The following CA10 variants were observed in gnomAD, a reference collection of about 807,000 sequenced individuals.
The protein encoded by CA10 is carbonic anhydrase 10 (inactive).
Under a neutral mutation model 44.2 loss-of-function variants are expected in CA10, and 14 were observed. That is an observed-to-expected ratio of 0.32 (90% CI 0.21 to 0.50). The LOEUF (loss-of-function observed/expected upper bound fraction) is 0.50, where lower values mean the gene tolerates loss of function less well. CA10 is among the 20% of genes least tolerant of loss of function. The pLI, the probability that CA10 is intolerant of heterozygous loss-of-function variation, is 0.99. For missense variants in CA10, 350 were observed against 409.7 expected (o/e 0.85, Z 1.26); for synonymous variants, 159 against 141.6 (o/e 1.12, Z -0.87).
At chr17:51,646,326 G>T (rs1167254459) in intron 6 of CA10, among the ~76,000 whole-genome samples, 1 of 152,192 alleles carries the variant, frequency 6.6e-6, no homozygotes, top group East Asian at 1.9e-4. Flanking sequence ...AAAGTGCTCA[G>T]TAAGCATCAT....
intron 2 of CA10, among the ~76,000 whole-genome samples, chr17:52,001,349 G>A (rs1985418560): frequency 6.6e-6 from 1 of 151,926 alleles, no homozygotes; most frequent in South Asian, 2.1e-4. Flanking sequence ...TTGTGATGCA[G>A]AACTAAAAGA....
intron 3 of CA10, among the ~76,000 whole-genome samples, chr17:51,792,561 T>C (rs1906560414): frequency 6.6e-6 from 1 of 152,194 alleles, no homozygotes; most frequent in African/African-American, 2.4e-5. Flanking sequence ...AGTTGCTAGA[T>C]TTGTGCAAAA....
rs1908209201 is a variant in CA10, at chr17:51,830,743, C to T, written c.280-82925G>A. On this transcript the variant is annotated intron_variant, in intron 3 of 8. Coordinates refer to ENST00000451037, the MANE Select transcript of CA10 (RefSeq NM_020178.5). ...GACACGAAACAGAATACTTGACTGA[C>T]ACTGGCTTAAGGAATGATGATGTGT... 1.3e-5 allele frequency among the ~76,000 whole-genome samples: 2 copies of T among 152,154 alleles called. 1 individual carries two copies. Among genetic ancestry groups the T allele is most frequent in the South Asian group, 4.1e-4 (2 of 4,828 alleles).
intron 4 of CA10, among the ~76,000 whole-genome samples, chr17:51,732,601 A>G (rs569458756): frequency 1.9e-4 from 29 of 152,032 alleles, no homozygotes; most frequent in African/African-American, 5.3e-4. Context: ...CCTTCACCAG[A>G]TAACTGTTCT....
chr17:51,634,324 T>C (rs192220550), intron 7 of CA10, among the ~76,000 whole-genome samples: 6 of 152,326 alleles, frequency 3.9e-5, no homozygotes, highest in Admixed American at 3.9e-4. Context: ...TTTCTAAGCT[T>C]AAGTGGGGAG....
At chr17:51,793,909 A>T (rs977416757) in intron 3 of CA10, among the ~76,000 whole-genome samples, 3 of 152,222 alleles carry the variant, frequency 2.0e-5, no homozygotes, top group African/African-American at 7.2e-5. Flanking sequence ...GATTCTGGAC[A>T]TCCAATGCAG....
At chr17:51,754,447 A>ATG (rs1462140708) in intron 3 of CA10, among the ~76,000 whole-genome samples, 2 of 117,286 alleles carry the variant, frequency 1.7e-5, no homozygotes, top group African/African-American at 6.4e-5. Flanking sequence ...ATATATATAT[A>ATG]TCACGTAAAA....
intron 2 of CA10, among the ~76,000 whole-genome samples, chr17:51,968,354 G>T (rs1327813708): frequency 6.6e-6 from 1 of 151,842 alleles, no homozygotes; most frequent in Admixed American, 6.6e-5. Flanking sequence ...TTGTTGCTGA[G>T]AAGTATTCCA....
At chr17:51,636,099 T>C in intron 6 of CA10, 90 bp from the exon 7 acceptor site, 5 of 627,710 alleles carry the variant, frequency 8.0e-6, no homozygotes, top group East Asian at 5.6e-5. Flanking sequence ...CATATACATA[T>C]ACATATACAT....
chr17:51,850,993 C>A (rs1000077549), intron 3 of CA10, among the ~76,000 whole-genome samples: 1 of 152,166 alleles, frequency 6.6e-6, no homozygotes, highest in East Asian at 1.9e-4. Flanking sequence ...CCAGTGCCTG[C>A]CCTGACCATT....
At chr17:52,083,775 G>A (rs1002266602) in intron 1 of CA10, among the ~76,000 whole-genome samples, 21 of 151,454 alleles carry the variant, frequency 1.4e-4, no homozygotes, top group African/African-American at 2.2e-4. Flanking sequence ...AGTATTCCAC[G>A]GTATGGATAT....
chr17:51,795,682 T>G (rs1598049028), intron 3 of CA10, among the ~76,000 whole-genome samples: 1 of 152,164 alleles, frequency 6.6e-6, no homozygotes, highest in African/African-American at 2.4e-5. Flanking sequence ...CCCAAGTGCC[T>G]TTACTAAAAA....
At chr17:52,055,620 A>G (rs1374498381) in intron 2 of CA10, among the ~76,000 whole-genome samples, 1 of 152,112 alleles carries the variant, frequency 6.6e-6, no homozygotes, top group African/African-American at 2.4e-5. Context: ...TGAAACTGAT[A>G]TATTATTGTG....
At chr17:51,752,695 G>A (rs552097910) in intron 3 of CA10, among the ~76,000 whole-genome samples, 2 of 152,268 alleles carry the variant, frequency 1.3e-5, no homozygotes, top group African/African-American at 4.8e-5. Flanking sequence ...TTGGGAGGTC[G>A]AGGCAGGCGG....
At chr17:52,154,099 A>G (rs777120908) in intron 1 of CA10, among the ~76,000 whole-genome samples, 23 of 152,246 alleles carry the variant, frequency 1.5e-4, no homozygotes, top group Non-Finnish European at 1.6e-4. Flanking sequence ...AATTGTAATC[A>G]TCTAAAACTT....
At chr17:51,759,739 T>C (rs934044066) in intron 3 of CA10, among the ~76,000 whole-genome samples, 3 of 152,238 alleles carry the variant, frequency 2.0e-5, no homozygotes, top group Non-Finnish European at 4.4e-5. Flanking sequence ...TTGATGTTCA[T>C]TTGAGCTGAG....
chr17:51,796,549 CT>C (rs1906718108), intron 3 of CA10, among the ~76,000 whole-genome samples: 1 of 152,116 alleles, frequency 6.6e-6, no homozygotes. Flanking sequence ...AGTCTTAGTA[CT>C]TTTTTAGGTA....
chr17:51,715,073 G>A (rs999370964), intron 4 of CA10, among the ~76,000 whole-genome samples: 22 of 152,238 alleles, frequency 1.4e-4, no homozygotes, highest in African/African-American at 5.1e-4. Context: ...GTAGGGACAC[G>A]GATGAAACTG....
At chr17:52,150,916 AG>A (rs1248989303) in intron 1 of CA10, among the ~76,000 whole-genome samples, 2 of 152,178 alleles carry the variant, frequency 1.3e-5, no homozygotes, top group African/African-American at 4.8e-5. Flanking sequence ...GGGTCACGAG[AG>A]ATTTATAAAA....
Sources: gnomAD v4.1 joint callset for allele counts (sites outside exome capture counted in the v4.1 genomes callset) on GRCh38, gnomAD v4.1.1 for gene constraint, MANE v1.5 for transcripts, NCBI Gene and HGNC (gene_info 2026-07-23, HGNC 2026-07-21) for gene names.